Variants in SARNP observed in about 807,000 individuals in gnomAD.
The protein encoded by SARNP is SAP domain containing ribonucleoprotein, also known as SAP domain-containing ribonucleoprotein.
SARNP carries 5 observed loss-of-function variants against 38.1 expected under a neutral mutation model. That is an observed-to-expected ratio of 0.13 (90% CI 0.07 to 0.28). The LOEUF (loss-of-function observed/expected upper bound fraction) is 0.28, where lower values mean the gene tolerates loss of function less well. Among genes scored for constraint, SARNP ranks in the 10% least tolerant of loss-of-function variants. SARNP has a pLI of 1.00. For synonymous variants in SARNP, 84 were observed against 80.6 expected (o/e 1.04, Z -0.23); for missense variants, 180 against 243.9 (o/e 0.74, Z 1.75).
chr12:55,774,575 CAAACAAAAAAAAAA>C (rs1565673554), intron 9 of SARNP, among the ~76,000 whole-genome samples: 15 of 41,216 alleles, frequency 3.6e-4, no homozygotes, highest in Admixed American at 2.4e-3. Context: ...AAAAAAAAAA[CAAACAAAAAAAAAA>C]AAACAAAAAT....
chr12:55,807,407 T>C (rs7954839), intron 1 of SARNP, among the ~76,000 whole-genome samples: 111,801 of 151,936 alleles, frequency 0.74, 46,814 homozygotes, highest in Non-Finnish European at 0.94. Context: ...TGGTGGCTTA[T>C]GCTTACAATT....
intron 9 of SARNP, among the ~76,000 whole-genome samples, chr12:55,773,382 G>A (rs943656374): frequency 6.6e-6 from 1 of 152,152 alleles, no homozygotes; most frequent in Non-Finnish European, 1.5e-5. Context: ...AATGCTAAGG[G>A]TATTCCAAAG....
intron 8 of SARNP, among the ~76,000 whole-genome samples, chr12:55,790,109 G>A (rs1411931675): frequency 6.6e-6 from 1 of 150,850 alleles, no homozygotes; most frequent in African/African-American, 2.4e-5. Flanking sequence ...AGTCACAATG[G>A]TCCAGAAAGC....
chr12:55,765,058 A>C (rs911587855), intron 9 of SARNP, among the ~76,000 whole-genome samples: 1 of 152,168 alleles, frequency 6.6e-6, no homozygotes, highest in Admixed American at 6.5e-5. Flanking sequence ...AGGAAAATAA[A>C]TGGAGCCTCT....
intron 9 of SARNP, among the ~76,000 whole-genome samples, chr12:55,766,632 G>GGGGGGGGT (rs1565671275): frequency 2.1e-5 from 1 of 46,570 alleles, no homozygotes; most frequent in African/African-American, 1.0e-4. Flanking sequence ...GGGGGGGGGG[G>GGGGGGGGT]TTGTTTTTTT....
intron 9 of SARNP, among the ~76,000 whole-genome samples, chr12:55,787,151 G>C (rs138137670): frequency 6.6e-6 from 1 of 151,852 alleles, no homozygotes; most frequent in Non-Finnish European, 1.5e-5. Flanking sequence ...AGGCTTGCTT[G>C]AGCCTGGGAA....
intron 9 of SARNP, among the ~76,000 whole-genome samples, chr12:55,763,472 T>C (rs1024492549): frequency 6.6e-6 from 1 of 152,032 alleles, no homozygotes; most frequent in African/African-American, 2.4e-5. Context: ...CCACCACACC[T>C]AATTTTTGTA....
Position 55,789,061 on chromosome 12 carries a change from C to T in SARNP, c.501+14G>A, listed in dbSNP as rs1400914036. On this transcript the variant is annotated intron_variant, in intron 9 of 10. Coordinates refer to ENST00000336133, the MANE Select transcript of SARNP (RefSeq NM_033082.4). ...AATGTCACAAAAACATTACTTCCAT[C>T]GAGCCTACATTACCTTTCTGGAGAT... 5 of 1,572,388 alleles carry T rather than the reference C, an allele frequency of 3.2e-6. No individual in the cohort carries two copies. Among genetic ancestry groups the T allele is most frequent in the Admixed American group, 1.7e-5 (1 of 57,546 alleles).
intron 9 of SARNP, among the ~76,000 whole-genome samples, chr12:55,774,559 GA>G (rs71074857): frequency 0.78 from 66,656 of 85,978 alleles, 25,923 homozygotes; most frequent in Middle Eastern, 0.88. Context: ...CGTCTCTACT[GA>G]AAAAAAAAAA....
intron 7 of SARNP, among the ~76,000 whole-genome samples, chr12:55,792,182 A>T (rs1196406214): frequency 6.6e-6 from 1 of 152,122 alleles, no homozygotes; most frequent in Non-Finnish European, 1.5e-5. Context: ...CCAGAAAAAA[A>T]ATTTTTTTTT....
At chr12:55,778,522 T>C (rs955042799) in intron 9 of SARNP, among the ~76,000 whole-genome samples, 1 of 151,992 alleles carries the variant, frequency 6.6e-6, no homozygotes, top group Non-Finnish European at 1.5e-5. Flanking sequence ...AAGTAGTGTC[T>C]TTTTTTTATC....
At chr12:55,774,885 T>G (rs942880798) in intron 9 of SARNP, among the ~76,000 whole-genome samples, 3 of 143,522 alleles carry the variant, frequency 2.1e-5, no homozygotes, top group Non-Finnish European at 3.0e-5. Context: ...TTCTATTTGT[T>G]TTTTTTTTTT....
chr12:55,813,709 T>C lies in SARNP; in HGVS notation c.36+3957A>G, dbSNP rs371536368. ...ACAGGCATGTGCCATCACGCCCAGC[T>C]AATTTTGTATTTTTAATAGTGACGG... is the stretch of plus-strand genomic sequence containing the variant. On this transcript the variant is annotated intron_variant, in intron 1 of 10. Transcript: ENST00000336133. 2.3e-3 allele frequency among the ~76,000 whole-genome samples: 356 copies of C among 152,214 alleles called. 10 individuals are homozygous for C. In the South Asian group the frequency reaches 0.071, roughly 30 times the overall value.
At chr12:55,782,589 T>C (rs1172069740) in intron 9 of SARNP, among the ~76,000 whole-genome samples, 1 of 152,136 alleles carries the variant, frequency 6.6e-6, no homozygotes, top group African/African-American at 2.4e-5. Context: ...TTCTTTCTTT[T>C]TTAAAATTTT....
intron 9 of SARNP, among the ~76,000 whole-genome samples, chr12:55,770,905 T>C (rs892051238): frequency 2.6e-5 from 4 of 151,920 alleles, no homozygotes; most frequent in African/African-American, 9.7e-5. Flanking sequence ...ATCCCATGGG[T>C]TGTGTGTTGA....
At chr12:55,805,450 G>T (rs538683911) in intron 1 of SARNP, among the ~76,000 whole-genome samples, 1 of 152,136 alleles carries the variant, frequency 6.6e-6, no homozygotes, top group Admixed American at 6.5e-5. Context: ...AGTGGCTCAC[G>T]CCTGTTATCC....
At chr12:55,787,471 C>G (rs1468402573) in intron 9 of SARNP, among the ~76,000 whole-genome samples, 1 of 152,154 alleles carries the variant, frequency 6.6e-6, no homozygotes. Flanking sequence ...GAGTCTCACT[C>G]TGTTGCCCAG....
chr12:55,759,504 G>A (rs11171670), intron 10 of SARNP, among the ~76,000 whole-genome samples: 12,327 of 150,922 alleles, frequency 0.082, 693 homozygotes, highest in African/African-American at 0.15. Context: ...TCTGCCTCCC[G>A]GTTTCAAGAG....
chr12:55,773,344 T>A (rs1267585102), intron 9 of SARNP, among the ~76,000 whole-genome samples: 1 of 152,138 alleles, frequency 6.6e-6, no homozygotes, highest in Non-Finnish European at 1.5e-5. Context: ...CAAGTAAGAC[T>A]CCCATCCTGC....
Sources: gnomAD v4.1 joint callset for allele counts (sites outside exome capture counted in the v4.1 genomes callset) on GRCh38, gnomAD v4.1.1 for gene constraint, MANE v1.5 for transcripts, NCBI Gene and HGNC (gene_info 2026-07-23, HGNC 2026-07-21) for gene names.